Variants in FRMD4A observed in about 807,000 individuals in gnomAD.
FRMD4A encodes the protein FERM domain containing 4A.
Under a neutral mutation model 129.1 loss-of-function variants are expected in FRMD4A, and 29 were observed. The observed-to-expected ratio is 0.22, with a 90% confidence interval of 0.17 to 0.31. The LOEUF (loss-of-function observed/expected upper bound fraction) is 0.31. FRMD4A is among the 10% of genes least tolerant of loss of function. The probability of loss-of-function intolerance (pLI) is 1.00; values close to 1 mark genes in which losing one functional copy is unlikely to be tolerated. For synonymous variants in FRMD4A, 634 were observed against 571.6 expected (o/e 1.11, Z -1.56); for missense variants, 1,272 against 1,375.8 (o/e 0.92, Z 1.19).
intron 2 of FRMD4A, among the ~76,000 whole-genome samples, chr10:13,912,477 C>A (rs1017093177): frequency 1.3e-5 from 2 of 150,704 alleles, no homozygotes; most frequent in Admixed American, 1.3e-4. Flanking sequence ...TGTCCATCCG[C>A]TGATGAACAG....
intron 2 of FRMD4A, among the ~76,000 whole-genome samples, chr10:13,870,422 C>T (rs1323686048): frequency 2.0e-5 from 3 of 152,360 alleles, no homozygotes; most frequent in Middle Eastern, 3.4e-3. Context: ...CAAGGACCAT[C>T]CTCTCCCTTG....
chr10:14,232,208 A>G (rs1843661266), intron 2 of FRMD4A, among the ~76,000 whole-genome samples: 1 of 151,956 alleles, frequency 6.6e-6, no homozygotes, highest in Non-Finnish European at 1.5e-5. Flanking sequence ...ATTTTTTGTT[A>G]TCGTTGGCTT....
intron 2 of FRMD4A, among the ~76,000 whole-genome samples, chr10:14,291,437 C>T (rs1320347657): frequency 6.6e-6 from 1 of 152,080 alleles, no homozygotes; most frequent in Non-Finnish European, 1.5e-5. Context: ...TACTACACTA[C>T]CATGTATAAA....
At chr10:14,022,171 T>C (rs1832788967) in intron 2 of FRMD4A, among the ~76,000 whole-genome samples, 1 of 152,120 alleles carries the variant, frequency 6.6e-6, no homozygotes, top group African/African-American at 2.4e-5. Flanking sequence ...ATTAACTAAG[T>C]GAGGTCAACA....
At chr10:14,197,779 G>A (rs940284841) in intron 2 of FRMD4A, among the ~76,000 whole-genome samples, 3 of 152,180 alleles carry the variant, frequency 2.0e-5, no homozygotes, top group African/African-American at 7.2e-5. Context: ...TGCCAACTTC[G>A]CACTAATGCC....
At chr10:13,789,155 A>G (rs2092935081) in intron 5 of FRMD4A, among the ~76,000 whole-genome samples, 1 of 152,186 alleles carries the variant, frequency 6.6e-6, no homozygotes, top group Non-Finnish European at 1.5e-5. Context: ...TAGAATCTCA[A>G]TGCCTCTAAA....
chr10:13,685,787 A>T (rs989022204), intron 15 of FRMD4A: 43 of 187,952 alleles, frequency 2.3e-4, no homozygotes, highest in Non-Finnish European at 2.8e-4. Flanking sequence ...AGGGCGACAG[A>T]GCGAGACCCT....
At chr10:14,003,893 A>C (rs983829385) in intron 2 of FRMD4A, among the ~76,000 whole-genome samples, 5 of 152,234 alleles carry the variant, frequency 3.3e-5, no homozygotes, top group Non-Finnish European at 5.9e-5. Flanking sequence ...CCCAGGAAAA[A>C]ATTTCCACAT....
intron 2 of FRMD4A, chr10:13,891,854 G>T: frequency 3.7e-6 from 2 of 539,780 alleles, no homozygotes; most frequent in Non-Finnish European, 4.7e-6. Context: ...CCCGGCGCCA[G>T]TGAGCCCCGC....
At chr10:14,330,313 A>AT (rs1843468955) in intron 1 of FRMD4A, 130 bp from the exon 2 acceptor site, 1 of 548,450 alleles carries the variant, frequency 1.8e-6, no homozygotes, top group South Asian at 2.6e-5. Flanking sequence ...GGAGGAAAAA[A>AT]AAAAAAAGAA....
At chr10:13,707,521 C>A (rs1426148570) in intron 12 of FRMD4A, 1 of 1,006,766 alleles carries the variant, frequency 9.9e-7, no homozygotes, top group East Asian at 9.3e-5. Context: ...GCGAGAGGAG[C>A]GAGCGCTCAG....
In FRMD4A at chr10:14,009,415, G is replaced by A. The variant is rs1001647783; in HGVS notation, c.46-150503C>T. On this transcript the variant is annotated intron_variant, in intron 2 of 24. Transcript: ENST00000357447. The stretch of plus-strand genomic sequence containing the variant: ...CCATTTCCTTTGTAATCATCCCGTG[G>A]TTTTTGGTATTAGCCTTGATACCAC... 5.9e-5 allele frequency among the ~76,000 whole-genome samples: 9 copies of A among 152,186 alleles called. No homozygotes were observed. In the East Asian group the frequency reaches 1.5e-3, roughly 26 times the overall value.
At chr10:13,716,717 A>G (rs998927569) in intron 12 of FRMD4A, among the ~76,000 whole-genome samples, 4 of 152,146 alleles carry the variant, frequency 2.6e-5, no homozygotes, top group African/African-American at 9.7e-5. Context: ...CTTAAGAGTC[A>G]TTACTAGGGG....
chr10:13,731,783 G>C (rs572825070), intron 12 of FRMD4A, among the ~76,000 whole-genome samples: 1 of 152,168 alleles, frequency 6.6e-6, no homozygotes, highest in African/African-American at 2.4e-5. Flanking sequence ...TGTAGATTCT[G>C]ATTTTTCTTA....
intron 2 of FRMD4A, among the ~76,000 whole-genome samples, chr10:14,043,258 T>A (rs1051369514): frequency 6.6e-6 from 1 of 152,236 alleles, no homozygotes; most frequent in Admixed American, 6.5e-5. Context: ...GATTTTTTTA[T>A]GAGAAATTCT....
At chr10:14,137,042 T>C (rs1839575134) in intron 2 of FRMD4A, among the ~76,000 whole-genome samples, 1 of 152,244 alleles carries the variant, frequency 6.6e-6, no homozygotes, top group Non-Finnish European at 1.5e-5. Context: ...TTGCTGATTA[T>C]TCCCATTCAA....
intron 2 of FRMD4A, among the ~76,000 whole-genome samples, chr10:14,128,028 C>CT (rs1564319804): frequency 4.3e-5 from 6 of 138,312 alleles, no homozygotes; most frequent in African/African-American, 1.7e-4. Flanking sequence ...TCCTTCCTTC[C>CT]TTCCTTCCTT....
At chr10:14,101,210 T>C (rs991736813) in intron 2 of FRMD4A, among the ~76,000 whole-genome samples, 3 of 152,230 alleles carry the variant, frequency 2.0e-5, no homozygotes, top group Non-Finnish European at 4.4e-5. Context: ...TCACCTGTGA[T>C]TTCATAATCC....
intron 2 of FRMD4A, among the ~76,000 whole-genome samples, chr10:14,065,582 C>A (rs1835018647): frequency 6.6e-6 from 1 of 152,134 alleles, no homozygotes; most frequent in Admixed American, 6.5e-5. Flanking sequence ...ATATCTAAGA[C>A]CCAGAAATCA....
Sources: gnomAD v4.1 joint callset for allele counts (sites outside exome capture counted in the v4.1 genomes callset) on GRCh38, gnomAD v4.1.1 for gene constraint, MANE v1.5 for transcripts, NCBI Gene and HGNC (gene_info 2026-07-23, HGNC 2026-07-21) for gene names.